Variants in GADL1 observed in about 807,000 individuals in gnomAD.
The protein encoded by GADL1 is GAD like acidic amino acid decarboxylase 1.
Under a neutral mutation model 69.5 loss-of-function variants are expected in GADL1, and 71 were observed. That is an observed-to-expected ratio of 1.02 (90% CI 0.84 to 1.25). The LOEUF is 1.25. GADL1 is among the 50% of genes most tolerant of loss of function. The pLI is 0.00. For missense variants in GADL1, 737 were observed against 631.8 expected, an observed-to-expected ratio of 1.17 and a Z score of -1.79; for synonymous variants, 254 against 214.4, an observed-to-expected ratio of 1.18 and a Z score of -1.62.
intron 2 of GADL1, among the ~76,000 whole-genome samples, chr3:30,860,877 C>T (rs1559363492): frequency 6.6e-6 from 1 of 151,938 alleles, no homozygotes; most frequent in African/African-American, 2.4e-5. Context: ...TATTTGACCT[C>T]TTTGTGCCTG....
chr3:30,755,203 T>C (rs1026861927), intron 14 of GADL1, among the ~76,000 whole-genome samples: 7 of 152,148 alleles, frequency 4.6e-5, no homozygotes, highest in African/African-American at 1.7e-4. Context: ...AATCATATCA[T>C]TTATATTTGT....
At chr3:30,858,090 C>T (rs1267722129) in intron 2 of GADL1, among the ~76,000 whole-genome samples, 1 of 152,024 alleles carries the variant, frequency 6.6e-6, no homozygotes, top group Non-Finnish European at 1.5e-5. Context: ...AAGCACTTAT[C>T]ACCCTCTAAT....
At chr3:30,811,909 ATGCTAAGG>A (rs1697363918) in intron 11 of GADL1, among the ~76,000 whole-genome samples, 1 of 152,208 alleles carries the variant, frequency 6.6e-6, no homozygotes, top group African/African-American at 2.4e-5. Context: ...TTTCCCAGTG[ATGCTAAGG>A]TGCAGCCAGG....
intron 14 of GADL1, among the ~76,000 whole-genome samples, chr3:30,750,471 G>C: frequency 6.6e-6 from 1 of 152,062 alleles, no homozygotes; most frequent in East Asian, 1.9e-4. Context: ...CTCTGCTTAG[G>C]CTTCCAAAAC....
intron 11 of GADL1, among the ~76,000 whole-genome samples, chr3:30,822,314 T>G (rs939332859): frequency 2.0e-5 from 3 of 151,992 alleles, no homozygotes; most frequent in African/African-American, 7.2e-5. Flanking sequence ...GGAGGAGGTG[T>G]TGCAAATTTT....
intron 1 of GADL1, among the ~76,000 whole-genome samples, chr3:30,883,950 C>T (rs935369743): frequency 6.6e-6 from 1 of 151,916 alleles, no homozygotes; most frequent in Non-Finnish European, 1.5e-5. Context: ...AAGAGATTAG[C>T]AGTGAGAGAG....
intron 6 of GADL1, among the ~76,000 whole-genome samples, chr3:30,846,562 G>A (rs1311922517): frequency 6.6e-5 from 10 of 151,530 alleles, no homozygotes. Context: ...GTATATAAAT[G>A]TACACTGTGC....
chr3:30,854,894 A>G, intron 3 of GADL1, 105 bp from the exon 4 acceptor site: 1 of 654,882 alleles, frequency 1.5e-6, no homozygotes, highest in South Asian at 1.9e-5. Flanking sequence ...GCAGACACAC[A>G]CAGAAGAGTT....
At chr3:30,783,977 A>G (rs1354701419) in intron 13 of GADL1, among the ~76,000 whole-genome samples, 1 of 152,156 alleles carries the variant, frequency 6.6e-6, no homozygotes, top group Non-Finnish European at 1.5e-5. Flanking sequence ...AGGACTTTTC[A>G]TAAGCACTAT....
At chr3:30,769,989 C>CAA (rs1233125861) in intron 14 of GADL1, among the ~76,000 whole-genome samples, 24 of 50,758 alleles carry the variant, frequency 4.7e-4, no homozygotes, top group African/African-American at 1.2e-3. Context: ...ACATTAAAAA[C>CAA]AAAGGGTTCA....
At chr3:30,845,813 A>T (rs1698044218) in intron 6 of GADL1, among the ~76,000 whole-genome samples, 1 of 152,108 alleles carries the variant, frequency 6.6e-6, no homozygotes, top group Non-Finnish European at 1.5e-5. Flanking sequence ...ATTATTTCTC[A>T]CCAGAGAGTT....
chr3:30,770,900 CAA>C (rs1696404951), intron 14 of GADL1, among the ~76,000 whole-genome samples: 1 of 152,140 alleles, frequency 6.6e-6, no homozygotes, highest in South Asian at 2.1e-4. Flanking sequence ...CTGGAGAGTT[CAA>C]GTTACTATCC....
chr3:30,893,938 G>GT (rs941856764), intron 1 of GADL1, among the ~76,000 whole-genome samples: 1 of 152,188 alleles, frequency 6.6e-6, no homozygotes, highest in African/African-American at 2.4e-5. Context: ...CCAACAACTA[G>GT]TTAGTGAGAA....
chr3:30,806,033 C>T (rs2125509618), intron 11 of GADL1, among the ~76,000 whole-genome samples: 1 of 152,096 alleles, frequency 6.6e-6, no homozygotes, highest in East Asian at 1.9e-4. Flanking sequence ...CGGTTCCTAA[C>T]AGGCCATGAA....
intron 14 of GADL1, among the ~76,000 whole-genome samples, chr3:30,756,030 C>T (rs1282675462): frequency 6.6e-6 from 1 of 152,150 alleles, no homozygotes; most frequent in Non-Finnish European, 1.5e-5. Context: ...CAGGAGAAAC[C>T]TTGGGACTGT....
chr3:30,830,940 C>G (rs1494733), intron 11 of GADL1, among the ~76,000 whole-genome samples: 368 of 150,686 alleles, frequency 2.4e-3, no homozygotes, highest in Admixed American at 2.8e-3. Context: ...ACCTGCTTCT[C>G]TCTCATCTCC....
intron 12 of GADL1, among the ~76,000 whole-genome samples, chr3:30,787,940 T>C (rs1476060603): frequency 6.6e-6 from 1 of 152,098 alleles, no homozygotes; most frequent in East Asian, 1.9e-4. Flanking sequence ...AAAATATTGA[T>C]GTTTGTATAT....
intron 8 of GADL1, among the ~76,000 whole-genome samples, chr3:30,839,529 G>GAAAAAAAAAAAAAAAAA (rs1491390714): frequency 3.0e-5 from 4 of 133,814 alleles, no homozygotes; most frequent in East Asian, 2.3e-4. Context: ...AAAAAAAAAG[G>GAAAAAAAAAAAAAAAAA]TTGGAAGACA....
chr3:30,739,293 G>T (rs1164615091), intron 14 of GADL1, among the ~76,000 whole-genome samples: 1 of 152,086 alleles, frequency 6.6e-6, no homozygotes, highest in Non-Finnish European at 1.5e-5. Flanking sequence ...ATTATGCCTT[G>T]GTGAGATTCC....
Sources: allele counts gnomAD v4.1 joint callset (sites outside exome capture counted in the v4.1 genomes callset), GRCh38; gene constraint gnomAD v4.1.1; transcripts MANE v1.5; gene names NCBI Gene and HGNC (gene_info 2026-07-23, HGNC 2026-07-21).